Variants in WDSUB1 observed in about 807,000 individuals in gnomAD.
WDSUB1 encodes WD repeat, sterile alpha motif and U-box domain containing 1.
Under a neutral mutation model 53.9 loss-of-function variants are expected in WDSUB1, and 49 were observed. The observed-to-expected ratio is 0.91, with a 90% confidence interval of 0.72 to 1.15. WDSUB1 has a LOEUF of 1.15. Ranked by LOEUF, WDSUB1 falls within the 50% of genes most tolerant of loss-of-function variation. The probability of loss-of-function intolerance (pLI) is 0.00; values close to 1 mark genes in which losing one functional copy is unlikely to be tolerated. For missense variants in WDSUB1, 514 were observed against 562.0 expected, an observed-to-expected ratio of 0.91 and a Z score of 0.86; for synonymous variants, 194 against 200.6, an observed-to-expected ratio of 0.97 and a Z score of 0.28.
At chr2:159,259,917 A>T in intron 5 of WDSUB1, 74 bp from the exon 6 acceptor site, 1 of 1,348,968 alleles carries the variant, frequency 7.4e-7, no homozygotes, top group South Asian at 1.4e-5. Flanking sequence ...TAGTATTTTT[A>T]AGTAATTTTA....
chr2:159,285,218 T>G (rs2061763758), intron 1 of WDSUB1, among the ~76,000 whole-genome samples: 1 of 152,214 alleles, frequency 6.6e-6, no homozygotes, highest in African/African-American at 2.4e-5. Context: ...TTCCAGCCTT[T>G]AAATAATCCA....
intron 1 of WDSUB1, 43 bp from the exon 2 acceptor site, chr2:159,283,136 A>G (rs2061709646): frequency 6.7e-7 from 1 of 1,502,840 alleles, no homozygotes; most frequent in Non-Finnish European, 9.0e-7. Flanking sequence ...TCTAGGAATC[A>G]GATACATGCA....
At chr2:159,241,730 T>TTTTTTTTTTTG (rs1575425644) in intron 10 of WDSUB1, among the ~76,000 whole-genome samples, 1 of 144,010 alleles carries the variant, frequency 6.9e-6, no homozygotes, top group African/African-American at 2.8e-5. Flanking sequence ...TTTTTTTTTT[T>TTTTTTTTTTTG]GAGATGGAGT....
In WDSUB1 at chr2:159,282,758, C is replaced by G; in HGVS notation, c.312G>C (p.Gln104His). The G allele has an allele frequency of 6.2e-7, 1 of 1,614,178 alleles. No individual in the cohort carries two copies. The highest frequency in any genetic ancestry group is 1.3e-5 in the African/African-American group (1 of 75,032). Residue 104 changes from glutamine (Q) to histidine (H), a missense_variant, in exon 2 of 11, where the codon CAG becomes CAC. Gln to His is a conservative substitution (Grantham distance 24). Coordinates refer to ENST00000359774, the MANE Select transcript of WDSUB1 (RefSeq NM_001128212.3). ...QPSGSPVRVC[Q>H]FSPDSTCLAS... ...CCAAACACGTGGAGTCTGGGGAAAA[C>G]TGGCAAACCCTCACAGGGCTGCCAC...
intron 5 of WDSUB1, among the ~76,000 whole-genome samples, chr2:159,262,004 C>A (rs2061239308): frequency 7.1e-6 from 1 of 141,838 alleles, no homozygotes; most frequent in African/African-American, 2.6e-5. Context: ...TTAAGCCTGA[C>A]TTTTCTAAAG....
Position 159,279,833 on chromosome 2 carries a change from T to C in WDSUB1, c.511A>G (p.Arg171Gly). 6.2e-7 allele frequency: 1 copy of C among 1,612,972 alleles called. No individual in the cohort carries two copies. The highest frequency in any genetic ancestry group is 8.5e-7 in the Non-Finnish European group (1 of 1,179,226). Residue 171 changes from arginine to glycine, a missense_variant, in exon 3 of 11, where the codon AGG (arginine) becomes GGG (glycine). Coordinates refer to ENST00000359774, the MANE Select transcript of WDSUB1 (RefSeq NM_001128212.3). ...TGTGCTTTTTCACTATGCAGACACC[T>C]CATTTTATCATCCCACACTGTTAAA... ...GDLTVWDDKM[R>G]CLHSEKAHDL... is the part of the protein sequence containing the mutation.
intron 1 of WDSUB1, among the ~76,000 whole-genome samples, 194 bp from the exon 2 acceptor site, chr2:159,283,287 G>A (rs1238618232): frequency 6.6e-6 from 1 of 152,216 alleles, no homozygotes; most frequent in Non-Finnish European, 1.5e-5. Context: ...GGACTGGGGT[G>A]TGGGGGATGG....
chr2:159,247,248 CAT>C (rs1219030931), intron 10 of WDSUB1, among the ~76,000 whole-genome samples: 6 of 152,118 alleles, frequency 3.9e-5, no homozygotes, highest in African/African-American at 1.4e-4. Flanking sequence ...CAGATGAACT[CAT>C]AACGATAAGA....
intron 10 of WDSUB1, 55 bp downstream of exon 10, chr2:159,248,317 T>A: frequency 6.3e-7 from 1 of 1,578,732 alleles, no homozygotes. Context: ...TGTCTAAACT[T>A]TTTATTCATT....
rs2060490945 is a variant in WDSUB1 at position 159,236,657 on chromosome 2, T to A, written c.1274-467A>T. ...TGACAGCGAAGGGACTTAGGTTTTT[T>A]TGTTTGTTTGTTTGTTTTGAGACCA... On this transcript the variant is annotated intron_variant, in intron 10 of 10. Transcript: ENST00000359774. Among the ~76,000 whole-genome samples the A allele has an allele frequency of 3.1e-5, 4 of 129,128 alleles. No homozygotes were observed. The South Asian group carries it at 9.6e-4, about 31-fold the overall frequency. 84.7% of individuals were successfully genotyped at this position (129,128 alleles called of 152,430 possible). A position where few individuals can be genotyped will look rare whatever the true frequency, so the allele number is the denominator to read the frequency against.
At chr2:159,281,323 C>T (rs2061659094) in intron 2 of WDSUB1, among the ~76,000 whole-genome samples, 2 of 152,154 alleles carry the variant, frequency 1.3e-5, no homozygotes, top group African/African-American at 4.8e-5. Flanking sequence ...ACTGCAGCCT[C>T]AAACACCTGG....
intron 10 of WDSUB1, among the ~76,000 whole-genome samples, chr2:159,247,904 T>TGA (rs2060844133): frequency 2.6e-5 from 1 of 37,882 alleles, no homozygotes; most frequent in African/African-American, 5.0e-5. Flanking sequence ...TATATATATA[T>TGA]ATATAAATAT....
chr2:159,252,758 AAGAC>A (rs1386740545), intron 9 of WDSUB1, among the ~76,000 whole-genome samples: 5 of 152,246 alleles, frequency 3.3e-5, no homozygotes, highest in Admixed American at 6.5e-5. Flanking sequence ...CGAGGATACT[AAGAC>A]AGGTGATGTA....
chr2:159,248,134 C>A (rs2024288), intron 10 of WDSUB1, among the ~76,000 whole-genome samples: 1 of 151,026 alleles, frequency 6.6e-6, no homozygotes, highest in Non-Finnish European at 1.5e-5. Context: ...ATCCTAGCAA[C>A]TAAATACACA....
At chr2:159,236,494 T>C (rs2060485659) in intron 10 of WDSUB1, among the ~76,000 whole-genome samples, 1 of 152,064 alleles carries the variant, frequency 6.6e-6, no homozygotes, top group African/African-American at 2.4e-5. Flanking sequence ...GGAACAGAGC[T>C]GGGTAGAGTG....
chr2:159,276,182 C>T (rs1191154049), intron 3 of WDSUB1, among the ~76,000 whole-genome samples: 1 of 152,144 alleles, frequency 6.6e-6, no homozygotes, highest in Non-Finnish European at 1.5e-5. Flanking sequence ...CTGCCTCAGC[C>T]TCCCAAGTAG....
intron 10 of WDSUB1, among the ~76,000 whole-genome samples, chr2:159,243,822 A>C (rs4665047): frequency 6.6e-6 from 1 of 151,972 alleles, no homozygotes; most frequent in East Asian, 1.9e-4. Flanking sequence ...AAAGGTTCAT[A>C]GCAGCACTAT....
intron 5 of WDSUB1, among the ~76,000 whole-genome samples, chr2:159,265,201 A>C (rs1024210153): frequency 6.6e-6 from 1 of 151,782 alleles, no homozygotes; most frequent in East Asian, 1.9e-4. Context: ...CTGAAGTGGG[A>C]TGACTGTTTG....
intron 5 of WDSUB1, among the ~76,000 whole-genome samples, chr2:159,263,358 G>C (rs1007763560): frequency 2.0e-5 from 3 of 152,088 alleles, no homozygotes; most frequent in Non-Finnish European, 2.9e-5. Flanking sequence ...TACAAAGATA[G>C]AGCAAAAACA....
Sources: allele counts gnomAD v4.1 joint callset (sites outside exome capture counted in the v4.1 genomes callset), GRCh38; gene constraint gnomAD v4.1.1; transcripts MANE v1.5; gene names NCBI Gene and HGNC (gene_info 2026-07-23, HGNC 2026-07-21).